DOCK3: variants seen among roughly 807,000 people sequenced by gnomAD.
DOCK3 encodes dedicator of cytokinesis 3.
A neutral mutation model predicts 265.6 loss-of-function variants in DOCK3; 60 were observed. The observed-to-expected ratio is 0.23, with a 90% CI of 0.18 to 0.28. DOCK3 has a LOEUF of 0.28. DOCK3 is among the 10% of genes least tolerant of loss of function. The pLI, the probability that DOCK3 is intolerant of heterozygous loss-of-function variation, is 1.00. For synonymous variants in DOCK3, 881 were observed against 938.0 expected, an observed-to-expected ratio of 0.94 and a Z score of 1.11; for missense variants, 1,981 against 2,594.3, an observed-to-expected ratio of 0.76 and a Z score of 5.14.
chr3:50,997,856 A>G (rs567527853), intron 5 of DOCK3, among the ~76,000 whole-genome samples: 1 of 152,336 alleles, frequency 6.6e-6, no homozygotes, highest in South Asian at 2.1e-4. Flanking sequence ...AGAAAATTAG[A>G]TGACTAAAAT....
chr3:50,677,246 A>T (rs918748704), intron 1 of DOCK3, among the ~76,000 whole-genome samples: 3 of 152,218 alleles, frequency 2.0e-5, no homozygotes, highest in Admixed American at 6.5e-5. Flanking sequence ...GCAACTCTCT[A>T]TTTATCTCAC....
chr3:50,798,615 T>G (rs569877451), intron 2 of DOCK3, among the ~76,000 whole-genome samples: 29 of 152,300 alleles, frequency 1.9e-4, no homozygotes, highest in Middle Eastern at 3.4e-3. Flanking sequence ...TTTGAGTTTC[T>G]TGTATATTTT....
intron 5 of DOCK3, among the ~76,000 whole-genome samples, chr3:51,011,428 C>T (rs1376807597): frequency 6.6e-6 from 1 of 152,212 alleles, no homozygotes; most frequent in Non-Finnish European, 1.5e-5. Context: ...GCTACTGAAG[C>T]TTGTGCATTC....
chr3:50,753,747 C>T (rs1178182228), intron 1 of DOCK3, among the ~76,000 whole-genome samples: 1 of 152,074 alleles, frequency 6.6e-6, no homozygotes, highest in African/African-American at 2.4e-5. Flanking sequence ...TGTTATTTGC[C>T]ACTTACTATG....
At chr3:50,845,773 G>A (rs1343262866) in intron 3 of DOCK3, among the ~76,000 whole-genome samples, 1 of 152,100 alleles carries the variant, frequency 6.6e-6, no homozygotes, top group African/African-American at 2.4e-5. Flanking sequence ...GGGAGGCAGA[G>A]GTTCAAGCGA....
chr3:50,787,705 G>A, intron 2 of DOCK3: 1 of 1,291,970 alleles, frequency 7.7e-7, no homozygotes, highest in East Asian at 2.4e-5. Flanking sequence ...AACAGAGGCA[G>A]CTCTCCTCAT....
chr3:50,989,884 A>G (rs182299069), intron 5 of DOCK3, among the ~76,000 whole-genome samples: 67 of 152,346 alleles, frequency 4.4e-4, no homozygotes, highest in African/African-American at 1.6e-3. Flanking sequence ...GCAAAACCCA[A>G]TCCAAGGAAA....
chr3:51,358,119 G>T (rs1181109426), intron 46 of DOCK3, 42 bp downstream of exon 46: 2 of 1,593,570 alleles, frequency 1.3e-6, no homozygotes, highest in Non-Finnish European at 1.7e-6. Context: ...GTAGAACCAG[G>T]TGTCACTTCC....
intron 26 of DOCK3, chr3:51,278,453 ATC>A (rs2080934207): frequency 3.0e-6 from 3 of 985,210 alleles, no homozygotes; most frequent in Non-Finnish European, 3.6e-6. Context: ...GATTACAGTG[ATC>A]TCTCTGAAGA....
At chr3:51,100,062 A>AAGAT (rs1339485367) in intron 9 of DOCK3, among the ~76,000 whole-genome samples, 2 of 151,400 alleles carry the variant, frequency 1.3e-5, no homozygotes, top group Non-Finnish European at 2.9e-5. Flanking sequence ...GAAAGAAAGA[A>AAGAT]AGCCTTTACA....
At chr3:51,237,363 C>A in intron 20 of DOCK3, 127 bp from the exon 21 acceptor site, 1 of 732,160 alleles carries the variant, frequency 1.4e-6, no homozygotes. Flanking sequence ...ATTCACTACC[C>A]ATGGGGAATG....
At chr3:51,317,838 T>C (rs1055520758) in intron 32 of DOCK3, among the ~76,000 whole-genome samples, 2 of 152,104 alleles carry the variant, frequency 1.3e-5, no homozygotes, top group Non-Finnish European at 2.9e-5. Context: ...AATCTCTTTC[T>C]AGACTCTAGT....
At chr3:50,848,234 T>C (rs966150875) in intron 3 of DOCK3, among the ~76,000 whole-genome samples, 3 of 152,308 alleles carry the variant, frequency 2.0e-5, no homozygotes, top group Admixed American at 2.0e-4. Context: ...CAGATGGGTC[T>C]TTTTGTTGTT....
chr3:50,877,447 A>C (rs1236958994), intron 3 of DOCK3: 1 of 519,956 alleles, frequency 1.9e-6, no homozygotes, highest in Middle Eastern at 3.2e-4. Flanking sequence ...TTCCCTCACC[A>C]CTTATAAGGC....
At chr3:51,187,732 G>A (rs565662389) in intron 12 of DOCK3, among the ~76,000 whole-genome samples, 4 of 151,490 alleles carry the variant, frequency 2.6e-5, no homozygotes, top group African/African-American at 7.3e-5. Flanking sequence ...TTTAAAAAAC[G>A]GGAGTTTCTC....
intron 5 of DOCK3, among the ~76,000 whole-genome samples, chr3:51,026,433 GTTT>G (rs34722593): frequency 6.4e-5 from 9 of 140,264 alleles, no homozygotes; most frequent in African/African-American, 1.0e-4. Flanking sequence ...TTGGCCTGTA[GTTT>G]TTTTTTTTTT....
chr3:50,772,626 G>A (rs2041342560), intron 1 of DOCK3, among the ~76,000 whole-genome samples: 1 of 152,120 alleles, frequency 6.6e-6, no homozygotes, highest in Admixed American at 6.5e-5. Flanking sequence ...TATAAAATAT[G>A]TAACATTTAT....
At chr3:50,782,428 C>T (rs2041968444) in intron 2 of DOCK3, among the ~76,000 whole-genome samples, 1 of 150,096 alleles carries the variant, frequency 6.7e-6, no homozygotes, top group African/African-American at 2.5e-5. Context: ...GTAGCTGGGA[C>T]TACAGGCGCC....
At chr3:50,760,808 A>G (rs2040481961) in intron 1 of DOCK3, among the ~76,000 whole-genome samples, 1 of 148,432 alleles carries the variant, frequency 6.7e-6, no homozygotes, top group African/African-American at 2.5e-5. Context: ...TTTGAGATGG[A>G]GTCTTGCTCT....
Sources: allele counts gnomAD v4.1 joint callset (sites outside exome capture counted in the v4.1 genomes callset), GRCh38; gene constraint gnomAD v4.1.1; transcripts MANE v1.5; gene names NCBI Gene and HGNC (gene_info 2026-07-23, HGNC 2026-07-21).